The following SLC22A16 variants were observed in gnomAD, a reference collection of about 807,000 sequenced individuals.
The protein encoded by SLC22A16 is WUGSC:RG331P03.1.
Under a neutral mutation model 52.9 loss-of-function variants are expected in SLC22A16, and 53 were observed. The observed-to-expected ratio is 1.00, with a 90% confidence interval of 0.80 to 1.26. SLC22A16 has a LOEUF of 1.26. Ranked by LOEUF, SLC22A16 falls within the 50% of genes most tolerant of loss-of-function variation. SLC22A16 has a pLI of 0.00. For missense variants in SLC22A16, 726 were observed against 704.0 expected (o/e 1.03, Z -0.35); for synonymous variants, 291 against 268.8 (o/e 1.08, Z -0.81).
Position 110,475,412 on chromosome 6 carries a change from A to G in SLC22A16, c.53+1110T>C, listed in dbSNP as rs1776426326. 2.0e-5 allele frequency among the ~76,000 whole-genome samples: 3 copies of G among 152,212 alleles called. No individual in the cohort carries two copies. The South Asian group carries it at 6.2e-4, about 32-fold the overall frequency. On this transcript the variant is annotated intron_variant, in intron 1 of 7. Coordinates refer to ENST00000368919, the MANE Select transcript of SLC22A16 (RefSeq NM_033125.4). ...AAGATTAAAGGAAGTAACATGTACCAACGGCTTATGACCGAGCCAGGCACA... is the reference window on the plus strand; with the variant it reads ...AAGATTAAAGGAAGTAACATGTACCGACGGCTTATGACCGAGCCAGGCACA...
chr6:110,462,209 G>T (rs1775910045), intron 1 of SLC22A16, among the ~76,000 whole-genome samples: 1 of 152,236 alleles, frequency 6.6e-6, no homozygotes, highest in South Asian at 2.1e-4. Context: ...GGAGTTAAAA[G>T]ATGAGATTTG....
intron 6 of SLC22A16, among the ~76,000 whole-genome samples, chr6:110,431,999 G>A (rs1345571436): frequency 6.6e-6 from 1 of 152,054 alleles, no homozygotes; most frequent in Non-Finnish European, 1.5e-5. Context: ...CCTGTGTACT[G>A]TTCTATTTCA....
rs149722400 is a variant in SLC22A16, at chr6:110,438,794, C to G, written c.1237G>C (p.Gly413Arg). ...TFVCIAMDKV[G>R]RRTVLAYSLF... is the part of the protein sequence containing the mutation. ...GAGTAGGCCAGGACTGTTCTCCTCC[C>G]GACCTTGTCCATGGCGATGCACACG... The change falls in exon 5 of 8, where the codon GGG (glycine) becomes CGG (arginine). Residue 413 changes from glycine to arginine, a missense_variant. Physicochemically the swap from Gly to Arg is moderately radical, Grantham distance 125 (BLOSUM62 -2). Transcript: ENST00000368919. 6.2e-7 allele frequency: 1 copy of G among 1,614,134 alleles called. No individual in the cohort carries two copies. The highest frequency in any genetic ancestry group is 1.1e-5 in the South Asian group (1 of 91,068).
intron 6 of SLC22A16, 121 bp downstream of exon 6, chr6:110,435,731 A>C (rs933222620): frequency 9.1e-6 from 6 of 662,466 alleles, no homozygotes; most frequent in Admixed American, 5.7e-5. Context: ...TCATTTTCCC[A>C]TCTCAGAGAT....
intron 7 of SLC22A16, among the ~76,000 whole-genome samples, chr6:110,425,793 A>C (rs1774236483): frequency 6.6e-6 from 1 of 152,262 alleles, no homozygotes; most frequent in South Asian, 2.1e-4. Context: ...AAGTCTGCAT[A>C]TCTATTCTCT....
chr6:110,442,198 G>T, intron 4 of SLC22A16, 46 bp downstream of exon 4: 1 of 1,559,182 alleles, frequency 6.4e-7, no homozygotes. Flanking sequence ...ACAAATGGTA[G>T]AAATCTCACT....
At chr6:110,464,245 A>G (rs1033027901) in intron 1 of SLC22A16, among the ~76,000 whole-genome samples, 1 of 152,236 alleles carries the variant, frequency 6.6e-6, no homozygotes, top group African/African-American at 2.4e-5. Context: ...TAGAAAATCA[A>G]GAACAAACCA....
intron 1 of SLC22A16, among the ~76,000 whole-genome samples, chr6:110,461,021 C>A (rs986788180): frequency 6.6e-6 from 1 of 152,356 alleles, no homozygotes; most frequent in Non-Finnish European, 1.5e-5. Context: ...GCAGCAGAGG[C>A]TTTCCCTGCT....
At chr6:110,473,713 G>T (rs895110223) in intron 1 of SLC22A16, among the ~76,000 whole-genome samples, 2 of 151,012 alleles carry the variant, frequency 1.3e-5, no homozygotes, top group South Asian at 4.2e-4. Context: ...TTTTAGTGGA[G>T]ACTTGGTTTC....
chr6:110,448,906 T>C (rs934478351), intron 2 of SLC22A16, among the ~76,000 whole-genome samples: 8 of 152,188 alleles, frequency 5.3e-5, no homozygotes, highest in Admixed American at 2.6e-4. Context: ...TCCCACTTCC[T>C]CTGAAACCCT....
At chr6:110,469,867 C>G (rs1183642658) in intron 1 of SLC22A16, among the ~76,000 whole-genome samples, 1 of 152,160 alleles carries the variant, frequency 6.6e-6, no homozygotes, top group African/African-American at 2.4e-5. Flanking sequence ...AACCAGTAGT[C>G]AACATCACAA....
At chr6:110,442,024 G>T (rs221711) in intron 4 of SLC22A16, among the ~76,000 whole-genome samples, 59,732 of 152,016 alleles carry the variant, frequency 0.39, 13,883 homozygotes, top group African/African-American at 0.66. Context: ...GTCTTTTAAT[G>T]CCATTTTTCC....
chr6:110,449,234 G>C (rs1562289063), intron 2 of SLC22A16, among the ~76,000 whole-genome samples: 1 of 151,904 alleles, frequency 6.6e-6, no homozygotes, highest in Non-Finnish European at 1.5e-5. Flanking sequence ...GACCCCTGCT[G>C]TCCTTTGGCT....
chr6:110,439,645 T>G (rs570864301), intron 4 of SLC22A16, among the ~76,000 whole-genome samples: 1 of 152,200 alleles, frequency 6.6e-6, no homozygotes, highest in South Asian at 2.1e-4. Flanking sequence ...GCACGATGTC[T>G]ACGTATAAAA....
In SLC22A16 at chr6:110,438,726, G is replaced by C. The variant is rs765379242; in HGVS notation, c.1305C>G (p.Ile435Met). Residue 435 changes from isoleucine (I) to methionine (M), a missense_variant, in exon 5 of 8, where the codon ATC (isoleucine) becomes ATG (methionine). By Grantham distance (10) the Ile-to-Met change is conservative (BLOSUM62 1). Transcript: ENST00000368919. Reference protein sequence around the residue: ...SALACGVVMVIPQKHYILGVV... With the variant: ...SALACGVVMVMPQKHYILGVV... ...AAAACAGAAGATAACTCACCTGGGG[G>C]ATCACCATAACGACACCACAGGCCA... The C allele has an allele frequency of 3.1e-6, 5 of 1,611,958 alleles. No homozygotes were observed. The highest frequency in any genetic ancestry group is 4.2e-6 in the Non-Finnish European group (5 of 1,179,268).
rs757693693 is a variant in SLC22A16 at position 110,442,593 on chromosome 6, A to G, written c.834T>C (p.Thr278=). Residue 278 remains threonine (T), a synonymous_variant, in exon 4 of 8, where the codon ACT becomes ACC. Transcript: ENST00000368919. ...WLYQMILSTV[T]VPFILCCWVL... ...CCCAACAGCACAGGATAAAGGGGACAGTCACTGTGGAGAGGATCATCTGGT... is the reference window on the plus strand; with the variant it reads ...CCCAACAGCACAGGATAAAGGGGACGGTCACTGTGGAGAGGATCATCTGGT... 1.9e-6 allele frequency: 3 copies of G among 1,614,216 alleles called. No individual in the cohort carries two copies. The highest frequency in any genetic ancestry group is 2.5e-6 in the Non-Finnish European group (3 of 1,180,036).
rs746451192 is a variant in SLC22A16, at chr6:110,435,957, T to C, written c.1316A>G (p.His439Arg). ...CGVVMVIPQK[H>R]YILGVVTAMV... is the part of the protein sequence containing the mutation. ...AGCTGTCACCACACCCAAAATATAA[T>C]GTTTCTGAAAAAAATTTAGCAGAAT... Residue 439 changes from histidine (H) to arginine (R), a missense_variant, in exon 6 of 8, where the codon CAT becomes CGT. Transcript: ENST00000368919. 6.2e-7 allele frequency: 1 copy of C among 1,611,534 alleles called. No individual in the cohort carries two copies. Among genetic ancestry groups the C allele is most frequent in the Non-Finnish European group, 8.5e-7 (1 of 1,178,410 alleles).
At position 110,442,403 on chromosome 6, in the gene SLC22A16, G is replaced by A. The variant is rs1775004344; in HGVS notation, c.1024C>T (p.Gln342Ter). 1 of 1,614,090 alleles carries A rather than the reference G, an allele frequency of 6.2e-7. No individual in the cohort carries two copies. The highest frequency in any genetic ancestry group is 1.3e-5 in the African/African-American group (1 of 74,922). ...AACAGATATGATAGGTTGTGCTTCT[G>A]AACTTCAGTGGGGCTATTACTAACA... is the stretch of plus-strand genomic sequence containing the variant. ...GPVSNSPTEVQKHNLSYLFYN... is the reference protein window; with the variant it reads ...GPVSNSPTEV The change falls in exon 4 of 8, where the codon CAG (glutamine) becomes TAG (stop). Residue 342 changes from glutamine (Q) to a stop codon, truncating the protein, a stop_gained. Coordinates refer to ENST00000368919, the MANE Select transcript of SLC22A16 (RefSeq NM_033125.4). LOFTEE classifies it high-confidence loss of function.
intron 1 of SLC22A16, among the ~76,000 whole-genome samples, chr6:110,459,843 A>G (rs550101474): frequency 1.3e-5 from 2 of 152,350 alleles, no homozygotes; most frequent in East Asian, 3.9e-4. Flanking sequence ...TTATAGACTC[A>G]AACCAACAGT....
Sources: allele counts gnomAD v4.1 joint callset (sites outside exome capture counted in the v4.1 genomes callset), GRCh38; gene constraint gnomAD v4.1.1; transcripts MANE v1.5; gene names NCBI Gene and HGNC (gene_info 2026-07-23, HGNC 2026-07-21).